CACNA1A: variants seen among roughly 807,000 people sequenced by gnomAD.
CACNA1A encodes the protein calcium voltage-gated channel subunit alpha1 A, also known as voltage-dependent P/Q-type calcium channel subunit alpha-1A.
A neutral mutation model predicts 262.4 loss-of-function variants in CACNA1A; 57 were observed. The ratio of observed to expected loss-of-function variants is 0.22; its 90% CI spans 0.18 to 0.27. CACNA1A has a LOEUF of 0.27. Ranked by LOEUF, CACNA1A falls within the 10% of genes least tolerant of loss-of-function variation. CACNA1A has a pLI of 1.00. For missense variants in CACNA1A, 2,526 were observed against 3,562.8 expected (o/e 0.71, Z 7.41); for synonymous variants, 1,431 against 1,419.3 (o/e 1.01, Z -0.18).
chr19:13,446,117 A>G (rs2060806772), intron 3 of CACNA1A, among the ~76,000 whole-genome samples: 1 of 152,058 alleles, frequency 6.6e-6, no homozygotes, highest in Non-Finnish European at 1.5e-5. Flanking sequence ...TCTACTAAAA[A>G]TACAAAAATT....
intron 25 of CACNA1A, 50 bp downstream of exon 25, chr19:13,262,684 G>C (rs1252124886): frequency 8.6e-7 from 1 of 1,157,370 alleles, no homozygotes; most frequent in African/African-American, 1.5e-5. Flanking sequence ...AGCTGTACAT[G>C]ATAACCCTGA....
rs1332420636 is a variant in CACNA1A, at chr19:13,298,808, C to T, written c.2825G>A (p.Ser942Asn). Residue 942 changes from serine to asparagine, a missense_variant, in exon 19 of 47, where the codon AGC becomes AAC. Physicochemically the swap from Ser to Asn is conservative, Grantham distance 46. This residue lies in a region of CACNA1A where 765 missense variants were observed against 748.6 expected (regional missense o/e 1.02). Transcript: ENST00000360228. Reference protein sequence around the residue: ...HVHRQGGSRESRSGSPRTGAD... With the variant: ...HVHRQGGSRENRSGSPRTGAD... ...GCCCGTGCGCGGGGACCCGCTGCGGCTCTCCCTGCTGCCCCCCTGCCGGTG... is the reference window on the plus strand; with the variant it reads ...GCCCGTGCGCGGGGACCCGCTGCGGTTCTCCCTGCTGCCCCCCTGCCGGTG... The T allele has an allele frequency of 1.9e-6, 3 of 1,562,540 alleles. No individual in the cohort carries two copies. Among genetic ancestry groups the T allele is most frequent in the Non-Finnish European group, 2.6e-6 (3 of 1,165,460 alleles).
In CACNA1A at chr19:13,330,110, C is replaced by A. The variant is rs929060203; in HGVS notation, c.1345+134G>T. On this transcript the variant is annotated intron_variant, in intron 10 of 46. Coordinates refer to ENST00000360228, the MANE Select transcript of CACNA1A (RefSeq NM_001127222.2). ...AATGATGTAATCTGCCCAGGACACA[C>A]GCACAGGTGGGAAAGGGTGGAGCTG... is the stretch of plus-strand genomic sequence containing the variant. The A allele has an allele frequency of 1.3e-5, 8 of 619,086 alleles. No individual in the cohort carries two copies. In the African/African-American group the frequency reaches 1.5e-4, roughly 11 times the overall value. 38.3% of individuals were successfully genotyped at this position (619,086 alleles called of 1,614,324 possible). A position where few individuals can be genotyped will look rare whatever the true frequency, so the allele number is the denominator to read the frequency against.
At chr19:13,438,144 G>A (rs905576288) in intron 3 of CACNA1A, among the ~76,000 whole-genome samples, 1 of 152,180 alleles carries the variant, frequency 6.6e-6, no homozygotes, top group Non-Finnish European at 1.5e-5. Context: ...AAGTGACACA[G>A]TAATGACACG....
rs1196739807 is a variant in CACNA1A at position 13,334,561 on chromosome 19, TTGTGTG to T, written c.1083-74_1083-69del. 368 of 312,590 alleles carry T rather than the reference TTGTGTG, an allele frequency of 1.2e-3. 2 individuals carry two copies. Among genetic ancestry groups the T allele is most frequent in the South Asian group, 9.8e-3 (296 of 30,148 alleles). The allele number at this position is 312,590 out of a possible 1,614,324, so 19.4% of individuals were successfully genotyped here. ...TGTTAGGAAACGTTTGTGTGTGTGTTTGTGTGTGTGTGTGTGTGTGTGTGTGTGTGT... is the reference window on the plus strand; with the variant it reads ...TGTTAGGAAACGTTTGTGTGTGTGTTTGTGTGTGTGTGTGTGTGTGTGTGT... On this transcript the variant is annotated intron_variant, in intron 7 of 46. Transcript: ENST00000360228.
chr19:13,448,633 T>C (rs1442279295), intron 3 of CACNA1A, among the ~76,000 whole-genome samples: 1 of 152,190 alleles, frequency 6.6e-6, no homozygotes, highest in Non-Finnish European at 1.5e-5. Flanking sequence ...GCAGAGCAAT[T>C]TGGCAATACC....
At position 13,496,070 on chromosome 19, in the gene CACNA1A, ATCC is replaced by A. The variant is rs1490264542; in HGVS notation, c.293+9859_293+9861del. 1.3e-4 allele frequency among the ~76,000 whole-genome samples: 19 copies of A among 148,250 alleles called. 1 individual carries two copies. The East Asian group carries it at 3.7e-3, about 29-fold the overall frequency. ...CATCCATCCATCCATCCATCCATCC[ATCC>A]ATCCATCCATCCATCCACCCAGACA... On this transcript the variant is annotated intron_variant, in intron 1 of 46. Coordinates refer to ENST00000360228, the MANE Select transcript of CACNA1A (RefSeq NM_001127222.2).
At position 13,298,814 on chromosome 19, in the gene CACNA1A, C is replaced by T. The variant is rs1439559578; in HGVS notation, c.2819G>A (p.Arg940Lys). 2 of 1,569,616 alleles carry T rather than the reference C, an allele frequency of 1.3e-6. No individual in the cohort carries two copies. The highest frequency in any genetic ancestry group is 2.0e-4 in the Middle Eastern group (1 of 4,952). The change falls in exon 19 of 47, where the codon AGG (arginine) becomes AAG (lysine). Residue 940 changes from arginine to lysine, a missense_variant. Coordinates refer to ENST00000360228, the MANE Select transcript of CACNA1A (RefSeq NM_001127222.2). ...GCGCGGGGACCCGCTGCGGCTCTCCCTGCTGCCCCCCTGCCGGTGCACGTG... is the reference window on the plus strand; with the variant it reads ...GCGCGGGGACCCGCTGCGGCTCTCCTTGCTGCCCCCCTGCCGGTGCACGTG... ...RRHVHRQGGS[R>K]ESRSGSPRTG...
chr19:13,349,141 G>A (rs905855531), intron 6 of CACNA1A, among the ~76,000 whole-genome samples: 3 of 152,142 alleles, frequency 2.0e-5, no homozygotes, highest in Admixed American at 6.6e-5. Flanking sequence ...TTGGCTAGGG[G>A]ACCTTGGCAG....
chr19:13,501,187 C>T (rs2145173017), intron 1 of CACNA1A, among the ~76,000 whole-genome samples: 1 of 111,764 alleles, frequency 8.9e-6, no homozygotes, highest in Admixed American at 9.5e-5. Flanking sequence ...AATTATACAT[C>T]AATAAATCTA....
chr19:13,380,022 A>C (rs1208602327), intron 3 of CACNA1A, among the ~76,000 whole-genome samples: 1 of 139,030 alleles, frequency 7.2e-6, no homozygotes, highest in Non-Finnish European at 1.5e-5. Context: ...GCGGTGGCTC[A>C]TGCCTGTAAT....
At chr19:13,373,575 A>G (rs2059358971) in intron 3 of CACNA1A, among the ~76,000 whole-genome samples, 1 of 152,186 alleles carries the variant, frequency 6.6e-6, no homozygotes, top group Non-Finnish European at 1.5e-5. Flanking sequence ...TCAGTTGCCT[A>G]CAGGACAACT....
At chr19:13,245,702 C>T (rs1254801036) in intron 30 of CACNA1A, 10 of 148,244 alleles carry the variant, frequency 6.7e-5, no homozygotes, top group Non-Finnish European at 1.4e-4. Context: ...GATGGAGTCT[C>T]GCTCAGTCAT....
At chr19:13,348,374 G>A (rs1325191355) in intron 6 of CACNA1A, among the ~76,000 whole-genome samples, 7 of 151,616 alleles carry the variant, frequency 4.6e-5, no homozygotes, top group African/African-American at 1.7e-4. Context: ...AGGAGGTGGA[G>A]AAAGAGAAGG....
chr19:13,496,614 T>C, intron 1 of CACNA1A, among the ~76,000 whole-genome samples: 1 of 152,202 alleles, frequency 6.6e-6, no homozygotes, highest in Non-Finnish European at 1.5e-5. Context: ...CAACAGTGAT[T>C]CAGCTGATCA....
intron 1 of CACNA1A, among the ~76,000 whole-genome samples, chr19:13,491,265 A>G (rs1333123996): frequency 6.6e-6 from 1 of 152,176 alleles, no homozygotes; most frequent in Non-Finnish European, 1.5e-5. Context: ...CAGTGTGCAC[A>G]TCTGCAAACT....
chr19:13,414,114 C>T (rs890392506), intron 3 of CACNA1A, among the ~76,000 whole-genome samples: 4 of 151,690 alleles, frequency 2.6e-5, no homozygotes, highest in Non-Finnish European at 4.4e-5. Context: ...GTCCCAGCTA[C>T]TCAGGAGGCT....
intron 3 of CACNA1A, among the ~76,000 whole-genome samples, chr19:13,420,624 T>A (rs1408580302): frequency 1.3e-5 from 2 of 152,126 alleles, no homozygotes; most frequent in Non-Finnish European, 2.9e-5. Context: ...AGAGCAGTTG[T>A]CAAGGTGGCT....
intron 29 of CACNA1A, among the ~76,000 whole-genome samples, chr19:13,254,622 A>G (rs1475348276): frequency 6.6e-6 from 1 of 151,994 alleles, no homozygotes; most frequent in African/African-American, 2.4e-5. Context: ...TCGGCCTCCC[A>G]AAGTTCTGGG....
Sources: allele counts gnomAD v4.1 joint callset (sites outside exome capture counted in the v4.1 genomes callset), GRCh38; gene constraint gnomAD v4.1.1; regional missense constraint gnomAD v4.1.1; transcripts MANE v1.5; gene names NCBI Gene and HGNC (gene_info 2026-07-23, HGNC 2026-07-21).